SPDEF: variants seen among roughly 807,000 people sequenced by gnomAD.
The protein encoded by SPDEF is SAM pointed domain containing ETS transcription factor.
In SPDEF, 12 loss-of-function variants were observed where a neutral mutation model predicts 36.0. The ratio of observed to expected loss-of-function variants is 0.33; its 90% CI spans 0.21 to 0.54. SPDEF has a LOEUF of 0.54. SPDEF is among the 20% of genes least tolerant of loss of function. The probability of loss-of-function intolerance (pLI) is 0.93; values close to 1 mark genes in which losing one functional copy is unlikely to be tolerated. For synonymous variants in SPDEF, 205 were observed against 193.0 expected (o/e 1.06, Z -0.51); for missense variants, 388 against 456.9 (o/e 0.85, Z 1.37).
At position 34,552,327 on chromosome 6, in the gene SPDEF, C is replaced by T. The variant is rs1385573423; in HGVS notation, c.-30+3602G>A. On this transcript the variant is annotated intron_variant, in intron 1 of 5. Transcript: ENST00000374037. The surrounding 1 kb of genome is among the most constrained non-coding windows in gnomAD (Gnocchi z 4.6). ...GGGTCGTTGAGGGCATGAGAACACA[C>T]GGATGTCACCGGAGCTCTGCTGCTC... Among the ~76,000 whole-genome samples, 3 of 152,358 alleles carry T rather than the reference C, an allele frequency of 2.0e-5. No individual in the cohort carries two copies. Among genetic ancestry groups the T allele is most frequent in the South Asian group, 2.1e-4 (1 of 4,832 alleles).
intron 1 of SPDEF, among the ~76,000 whole-genome samples, chr6:34,550,118 G>T (rs780358578): frequency 1.3e-5 from 2 of 152,212 alleles, no homozygotes; most frequent in African/African-American, 2.4e-5. Context: ...AGGCCCAGCC[G>T]CAGTAGCATG....
intron 2 of SPDEF, among the ~76,000 whole-genome samples, chr6:34,542,125 AT>A (rs1767835046): frequency 6.6e-6 from 1 of 152,164 alleles, no homozygotes; most frequent in African/African-American, 2.4e-5. Context: ...TGGCATGGGC[AT>A]TGGGAAACTT....
rs538776462 is a variant in SPDEF, at chr6:34,555,757, G to T, written c.-30+172C>A. On this transcript the variant is annotated intron_variant, in intron 1 of 5. Coordinates refer to ENST00000374037, the MANE Select transcript of SPDEF (RefSeq NM_012391.3). The surrounding 1 kb of genome is among the most constrained non-coding windows in gnomAD (Gnocchi z 5.2). Reference sequence around the variant, plus strand: ...GGCAGTCTGGGGAGCATGAGGAGGGGGCAAGGAATTCTGAGGGTAAAGGGA... The same window carrying T: ...GGCAGTCTGGGGAGCATGAGGAGGGTGCAAGGAATTCTGAGGGTAAAGGGA... Among the ~76,000 whole-genome samples the T allele has an allele frequency of 4.1e-4, 62 of 152,256 alleles. No individual in the cohort carries two copies. Among genetic ancestry groups the T allele is most frequent in the African/African-American group, 1.4e-3 (60 of 41,540 alleles).
Position 34,541,098 on chromosome 6 carries a change from C to T in SPDEF, c.520G>A (p.Ala174Thr). 6.2e-7 allele frequency: 1 copy of T among 1,611,256 alleles called. No homozygotes were observed. The highest frequency in any genetic ancestry group is 8.5e-7 in the Non-Finnish European group (1 of 1,179,156). The change falls in exon 3 of 6, where the codon GCC becomes ACC. Residue 174 changes from alanine to threonine, a missense_variant. This residue lies in a region of SPDEF where 308 missense variants were observed against 326.1 expected (regional missense o/e 0.94). Coordinates refer to ENST00000374037, the MANE Select transcript of SPDEF (RefSeq NM_012391.3). ...TCCTTGCCCGCCAGCTCCTGGAAGG[C>T]CTTGCCCATGGGGGGCAGCCGGTAT... ...HQYRLPPMGK[A>T]FQELAGKELC... is the part of the protein sequence containing the mutation.
At chr6:34,543,943 G>A in intron 2 of SPDEF, 77 bp downstream of exon 2, 1 of 1,460,252 alleles carries the variant, frequency 6.8e-7, no homozygotes, top group East Asian at 2.3e-5. Context: ...CCATCCAGCA[G>A]TGCCCCGACC....
At chr6:34,553,030 C>A (rs528548015) in intron 1 of SPDEF, among the ~76,000 whole-genome samples, 1 of 152,138 alleles carries the variant, frequency 6.6e-6, no homozygotes, top group African/African-American at 2.4e-5. Context: ...AGCCACGTCT[C>A]CCCTGTGCCA....
rs762523797 is a variant in SPDEF, at chr6:34,544,188, G to A, written c.268C>T (p.Pro90Ser). The A allele has an allele frequency of 1.2e-6, 2 of 1,613,754 alleles. No individual in the cohort carries two copies. Among genetic ancestry groups the A allele is most frequent in the Non-Finnish European group, 1.7e-6 (2 of 1,179,968 alleles). The change falls in exon 2 of 6, where the codon CCT becomes TCT. Residue 90 changes from proline to serine, a missense_variant. Physicochemically the swap from Pro to Ser is moderately conservative, Grantham distance 74. This residue lies in a region of SPDEF where 308 missense variants were observed against 326.1 expected (regional missense o/e 0.94). Coordinates refer to ENST00000374037, the MANE Select transcript of SPDEF (RefSeq NM_012391.3). The surrounding 1 kb of genome is among the most constrained non-coding windows in gnomAD (Gnocchi z 4.4). The part of the protein sequence containing the change: ...ASSREEPPEE[P>S]EQCPVIDSQA... ...CTGTCAATGACCGGGCACTGCTCAG[G>A]CTCCTCAGGTGGCTCCTCCCGACTG...
Position 34,544,067 on chromosome 6 carries a change from A to G in SPDEF, c.389T>C (p.Val130Ala), listed in dbSNP as rs200026971. The change falls in exon 2 of 6, where the codon GTG (valine) becomes GCG (alanine). Residue 130 changes from valine to alanine, a missense_variant. By Grantham distance (64) the Val-to-Ala change is moderately conservative. This residue lies in a region of SPDEF where 308 missense variants were observed against 326.1 expected (regional missense o/e 0.94). Transcript: ENST00000374037. The surrounding 1 kb of genome is among the most constrained non-coding windows in gnomAD (Gnocchi z 4.4). Reference protein sequence around the residue: ...EQVQSMVVGEVLKDIETACKL... With the variant: ...EQVQSMVVGEALKDIETACKL... Reference sequence around the variant, plus strand: ...GCAGGCCGTCTCGATGTCCTTGAGCACTTCGCCCACCACCATGGACTGCAC... The same window carrying G: ...GCAGGCCGTCTCGATGTCCTTGAGCGCTTCGCCCACCACCATGGACTGCAC... 1.9e-6 allele frequency: 3 copies of G among 1,613,044 alleles called. No individual in the cohort carries two copies. Among genetic ancestry groups the G allele is most frequent in the Non-Finnish European group, 1.7e-6 (2 of 1,179,710 alleles).
At chr6:34,554,870 A>T (rs1768132635) in intron 1 of SPDEF, among the ~76,000 whole-genome samples, 1 of 152,088 alleles carries the variant, frequency 6.6e-6, no homozygotes, top group South Asian at 2.1e-4. Context: ...ATGCAGCTTT[A>T]TTGGGGAGGT....
intron 1 of SPDEF, among the ~76,000 whole-genome samples, chr6:34,550,385 C>T (rs1014857951): frequency 2.0e-5 from 3 of 152,204 alleles, no homozygotes. Flanking sequence ...ACCCCGCTGC[C>T]CAGGAAGGGG....
chr6:34,540,891 G>T (rs1415337056), intron 3 of SPDEF, 93 bp downstream of exon 3: 2 of 1,207,682 alleles, frequency 1.7e-6, no homozygotes, highest in Non-Finnish European at 2.3e-6. Context: ...GGGCCAAGGG[G>T]CTGCTGCCCT....
chr6:34,551,013 G>A (rs1363935713), intron 1 of SPDEF, among the ~76,000 whole-genome samples: 10 of 152,168 alleles, frequency 6.6e-5, no homozygotes, highest in Non-Finnish European at 1.2e-4. Context: ...CTGCTTTGCC[G>A]GGCCCTCCCA....
chr6:34,547,853 C>G (rs1215665879), intron 1 of SPDEF, among the ~76,000 whole-genome samples: 1 of 152,186 alleles, frequency 6.6e-6, no homozygotes, highest in Admixed American at 6.5e-5. Context: ...GGTCCTAGCT[C>G]CAACACTTCC....
chr6:34,546,383 G>C (rs1275461841), intron 1 of SPDEF, among the ~76,000 whole-genome samples: 1 of 152,178 alleles, frequency 6.6e-6, no homozygotes, highest in East Asian at 1.9e-4. Flanking sequence ...AGGAGGGGAA[G>C]GGGGCTCCCT....
At chr6:34,551,764 C>T (rs1027000088) in intron 1 of SPDEF, among the ~76,000 whole-genome samples, 3 of 152,142 alleles carry the variant, frequency 2.0e-5, no homozygotes, top group African/African-American at 7.2e-5. Context: ...CTGTCCTGCA[C>T]CTCACCAGCT....
Position 34,538,629 on chromosome 6 carries a change from G to A in SPDEF, c.830-177C>T, listed in dbSNP as rs886274422. 2.0e-5 allele frequency among the ~76,000 whole-genome samples: 3 copies of A among 152,120 alleles called. No individual in the cohort carries two copies. The highest frequency in any genetic ancestry group is 4.4e-5 in the Non-Finnish European group (3 of 68,014). ...ATGCCTACTCCCAAGGTGTAGTTGC[G>A]GTGAGGTTAAAGAGACGTGTGCAAA... On this transcript the variant is annotated intron_variant, in intron 5 of 5. Coordinates refer to ENST00000374037, the MANE Select transcript of SPDEF (RefSeq NM_012391.3). This position sits in a 1 kb window ranked among gnomAD's most constrained non-coding sequence, Gnocchi z 5.9.
rs529351945 is a variant in SPDEF, at chr6:34,542,159, C to T, written c.437-978G>A. Among the ~76,000 whole-genome samples the T allele has an allele frequency of 7.3e-4, 111 of 152,282 alleles. 1 individual carries two copies. Among genetic ancestry groups the T allele is most frequent in the Non-Finnish European group, 5.1e-4 (35 of 68,020 alleles). On this transcript the variant is annotated intron_variant, in intron 2 of 5. Transcript: ENST00000374037. Reference sequence around the variant, plus strand: ...CTTGGGGCATCGGCAGGAGCAGCTTCAAATGAGGACGTCAACGGGGCAGCT... The same window carrying T: ...CTTGGGGCATCGGCAGGAGCAGCTTTAAATGAGGACGTCAACGGGGCAGCT...
At chr6:34,545,990 C>A (rs112631880) in intron 1 of SPDEF, among the ~76,000 whole-genome samples, 1 of 151,904 alleles carries the variant, frequency 6.6e-6, no homozygotes, top group African/African-American at 2.4e-5. Context: ...AACAGATATA[C>A]GCTCCTAATA....
intron 1 of SPDEF, among the ~76,000 whole-genome samples, chr6:34,553,939 C>T (rs1044409184): frequency 1.3e-5 from 2 of 151,712 alleles, no homozygotes; most frequent in African/African-American, 4.8e-5. Flanking sequence ...CACCACCCCC[C>T]AACGCCCAGG....
Sources: allele counts gnomAD v4.1 joint callset (sites outside exome capture counted in the v4.1 genomes callset), GRCh38; gene constraint gnomAD v4.1.1; regional missense constraint gnomAD v4.1.1; non-coding constraint Gnocchi (gnomAD v3.1); transcripts MANE v1.5; gene names NCBI Gene and HGNC (gene_info 2026-07-23, HGNC 2026-07-21).